The following FGF13 variants were observed in gnomAD, a reference collection of about 807,000 sequenced individuals.
The protein encoded by FGF13 is fibroblast growth factor 13.
A neutral mutation model predicts 19.5 loss-of-function variants in FGF13; 2 were observed. The observed-to-expected ratio is 0.10, with a 90% CI of 0.04 to 0.32. The LOEUF (loss-of-function observed/expected upper bound fraction) is 0.32. FGF13 is among the 10% of genes least tolerant of loss of function. The pLI is 1.00. For synonymous variants in FGF13, 72 were observed against 76.9 expected (o/e 0.94, Z 0.33); for missense variants, 113 against 192.7 (o/e 0.59, Z 2.45).
At chrX:138,809,933 G>A (rs1271486629) in intron 3 of FGF13, among the ~76,000 whole-genome samples, 2 of 111,392 alleles carry the variant, frequency 1.8e-5, no homozygotes, top group African/African-American at 3.3e-5. Context: ...CCTGCTCAAC[G>A]AAATAAAAGA....
chrX:139,048,257 A>G (rs2092293972), intron 1 of FGF13, among the ~76,000 whole-genome samples: 1 of 111,578 alleles, frequency 9.0e-6, no homozygotes, highest in Non-Finnish European at 1.9e-5. Flanking sequence ...TTTCAATAAT[A>G]CTTTTATCAT....
intron 1 of FGF13, among the ~76,000 whole-genome samples, chrX:138,954,006 G>T: frequency 9.1e-6 from 1 of 110,346 alleles, no homozygotes; most frequent in East Asian, 2.8e-4. Flanking sequence ...TGTTAGGGAT[G>T]TGATGTGTGT....
chrX:138,771,421 T>A (rs1000675544), intron 3 of FGF13, among the ~76,000 whole-genome samples: 1 of 111,920 alleles, frequency 8.9e-6, no homozygotes, highest in African/African-American at 3.3e-5. Context: ...AGATAAATGA[T>A]ACATTTTTTA....
intron 3 of FGF13, among the ~76,000 whole-genome samples, chrX:138,764,262 ATGTGTAATTAACCC>A (rs2090488880): frequency 8.9e-6 from 1 of 112,445 alleles, no homozygotes; most frequent in Admixed American, 9.4e-5. Flanking sequence ...AGATGAAAGC[ATGTGTAATTAACCC>A]TGTGATACTC....
At chrX:138,956,331 C>T (rs941970896) in intron 1 of FGF13, among the ~76,000 whole-genome samples, 6 of 111,932 alleles carry the variant, frequency 5.4e-5, no homozygotes, top group African/African-American at 1.6e-4. Flanking sequence ...AAGGCCTTGA[C>T]GGAGTGACAA....
intron 1 of FGF13, among the ~76,000 whole-genome samples, chrX:139,083,888 AAAAG>A (rs1184149431): frequency 1.8e-5 from 2 of 109,130 alleles, no homozygotes; most frequent in African/African-American, 3.3e-5. Flanking sequence ...AAATAAATAA[AAAAG>A]AAAGAAAGAA....
At chrX:138,638,077 C>A (rs1271906312) in intron 3 of FGF13, among the ~76,000 whole-genome samples, 1 of 111,071 alleles carries the variant, frequency 9.0e-6, no homozygotes, top group East Asian at 2.9e-4. Flanking sequence ...CTCTACTTTG[C>A]GCCTTATTAC....
chrX:138,646,240 C>T (rs946348155), intron 3 of FGF13, among the ~76,000 whole-genome samples: 2 of 112,155 alleles, frequency 1.8e-5, no homozygotes, highest in African/African-American at 6.5e-5. Context: ...AAAAAAATCT[C>T]TAAAGAGCTT....
At chrX:139,034,371 G>C (rs772353681) in intron 1 of FGF13, among the ~76,000 whole-genome samples, 17 of 111,467 alleles carry the variant, frequency 1.5e-4, no homozygotes. Context: ...GAGTGAGTTA[G>C]CTGGGTGAAT....
chrX:138,845,085 C>T (rs1316472339), intron 3 of FGF13, among the ~76,000 whole-genome samples: 2 of 111,517 alleles, frequency 1.8e-5, no homozygotes, highest in African/African-American at 6.5e-5. Flanking sequence ...ATAAGCAATG[C>T]CCAGCTTAGA....
At chrX:138,687,374 T>C (rs150573643) in intron 3 of FGF13, among the ~76,000 whole-genome samples, 74 of 112,048 alleles carry the variant, frequency 6.6e-4, no homozygotes, top group Middle Eastern at 9.3e-3. Flanking sequence ...AAGGAAGACA[T>C]ACAACTCTTC....
At position 138,938,041 on chromosome X, in the gene FGF13, A is replaced by G. The variant is rs765630648; in HGVS notation, c.-112-73391T>C. 2.8e-3 allele frequency among the ~76,000 whole-genome samples: 310 copies of G among 111,754 alleles called. 1 individual carries two copies. Among genetic ancestry groups the G allele is most frequent in the Non-Finnish European group, 4.9e-3 (260 of 53,166 alleles). On this transcript the variant is annotated intron_variant, in intron 1 of 2. Coordinates refer to the FGF13 transcript ENST00000421460. ...TTAAAGAGACTGAGAAGGAGTGGCC[A>G]TTGAGGAAGAAGAACAAGGAGAACA...
At chrX:139,021,252 C>G (rs544913388) in intron 1 of FGF13, among the ~76,000 whole-genome samples, 1 of 110,642 alleles carries the variant, frequency 9.0e-6, no homozygotes, top group South Asian at 3.9e-4. Context: ...TTTTGGGCTG[C>G]CATCCCCTAA....
At chrX:139,150,929 C>T (rs17002010) in intron 1 of FGF13, among the ~76,000 whole-genome samples, 10,912 of 110,379 alleles carry the variant, frequency 0.099, 1,064 homozygotes, top group African/African-American at 0.3. Flanking sequence ...AGCAATGTCT[C>T]ATGACTGAAT....
chrX:138,912,853 C>T (rs768582291), intron 1 of FGF13, among the ~76,000 whole-genome samples: 1 of 111,667 alleles, frequency 9.0e-6, no homozygotes, highest in African/African-American at 3.3e-5. Context: ...TTTCAGTCTG[C>T]ATCCAGGGAA....
chrX:139,171,663 C>T (rs1332875687), intron 1 of FGF13, among the ~76,000 whole-genome samples: 2 of 112,265 alleles, frequency 1.8e-5, no homozygotes, highest in Admixed American at 9.5e-5. Context: ...AAATTGGATG[C>T]TTTTTCTAAA....
chrX:139,087,156 C>T (rs748220622), intron 1 of FGF13, among the ~76,000 whole-genome samples: 9 of 111,284 alleles, frequency 8.1e-5, no homozygotes, highest in South Asian at 3.8e-4. Flanking sequence ...ATTAGCCGGG[C>T]GTGGCGGTGC....
chrX:138,920,714 G>T, intron 1 of FGF13, among the ~76,000 whole-genome samples: 1 of 111,458 alleles, frequency 9.0e-6, no homozygotes, highest in Non-Finnish European at 1.9e-5. Flanking sequence ...ATGTTGTAAT[G>T]ATAGAGAAAG....
intron 3 of FGF13, among the ~76,000 whole-genome samples, chrX:138,828,405 A>G (rs998598844): frequency 9.1e-6 from 1 of 109,450 alleles, no homozygotes; most frequent in African/African-American, 3.3e-5. Flanking sequence ...CGTCTCTACT[A>G]AAAATACAAA....
Sources: allele counts gnomAD v4.1 joint callset (sites outside exome capture counted in the v4.1 genomes callset), GRCh38; gene constraint gnomAD v4.1.1; transcripts MANE v1.5; gene names NCBI Gene and HGNC (gene_info 2026-07-23, HGNC 2026-07-21).